PTPRN2: variants seen among roughly 807,000 people sequenced by gnomAD.
PTPRN2 encodes the protein protein tyrosine phosphatase receptor type N2.
A neutral mutation model predicts 118.8 loss-of-function variants in PTPRN2; 74 were observed. That is an observed-to-expected ratio of 0.62 (90% CI 0.52 to 0.76). The LOEUF (loss-of-function observed/expected upper bound fraction) is 0.76, where lower values mean the gene tolerates loss of function less well. Among genes scored for constraint, PTPRN2 ranks in the 30% least tolerant of loss-of-function variants. The pLI is 0.00. For missense variants in PTPRN2, 1,481 were observed against 1,394.4 expected, an observed-to-expected ratio of 1.06 and a Z score of -0.99; for synonymous variants, 641 against 608.0, an observed-to-expected ratio of 1.05 and a Z score of -0.80.
chr7:158,273,535 C>CAG (rs1798678828), intron 3 of PTPRN2, among the ~76,000 whole-genome samples: 6 of 122,186 alleles, frequency 4.9e-5, no homozygotes, highest in East Asian at 2.5e-4. Flanking sequence ...GAGCCGCAGA[C>CAG]ACGGGGAGCC....
intron 2 of PTPRN2, among the ~76,000 whole-genome samples, chr7:158,387,577 A>ACTCTCTG (rs1586542379): frequency 3.4e-3 from 509 of 149,244 alleles, no homozygotes; most frequent in Middle Eastern, 0.01. Flanking sequence ...CTGTCAGCTC[A>ACTCTCTG]GCTTGGCCCG....
intron 11 of PTPRN2, among the ~76,000 whole-genome samples, chr7:157,923,336 G>A (rs1039309713): frequency 6.6e-6 from 1 of 152,168 alleles, no homozygotes; most frequent in African/African-American, 2.4e-5. Flanking sequence ...GTGTGTTCTG[G>A]CAGGGCAAGA....
intron 11 of PTPRN2, among the ~76,000 whole-genome samples, chr7:157,963,248 C>T (rs764646126): frequency 4.6e-5 from 7 of 152,202 alleles, no homozygotes; most frequent in Non-Finnish European, 7.3e-5. Context: ...CCTGTGTGCA[C>T]GCTGTAGAAT....
At chr7:157,564,185 G>A (rs530392525) in intron 21 of PTPRN2, among the ~76,000 whole-genome samples, 2 of 152,306 alleles carry the variant, frequency 1.3e-5, no homozygotes, top group Non-Finnish European at 2.9e-5. Flanking sequence ...AGGCTGGAGC[G>A]CAATGGTGCG....
chr7:158,585,736 A>G (rs1237957662), intron 1 of PTPRN2, among the ~76,000 whole-genome samples: 1 of 152,170 alleles, frequency 6.6e-6, no homozygotes, highest in Non-Finnish European at 1.5e-5. Context: ...TAGCCATTGC[A>G]ATGGCAAGGA....
intron 12 of PTPRN2, among the ~76,000 whole-genome samples, chr7:157,703,618 C>A (rs1342004428): frequency 3.6e-5 from 5 of 139,606 alleles, no homozygotes; most frequent in African/African-American, 1.4e-4. Flanking sequence ...CGTGGGTCTT[C>A]CACAAAAGAA....
chr7:157,639,646 C>T (rs1301845093), intron 14 of PTPRN2, among the ~76,000 whole-genome samples: 4 of 152,352 alleles, frequency 2.6e-5, no homozygotes, highest in Middle Eastern at 3.4e-3. Flanking sequence ...GGGTGGAAGG[C>T]AGGCGACAGG....
At chr7:158,528,789 A>T (rs1824989021) in intron 1 of PTPRN2, among the ~76,000 whole-genome samples, 3 of 149,456 alleles carry the variant, frequency 2.0e-5, no homozygotes, top group Non-Finnish European at 4.4e-5. Context: ...ACAGAGCAAA[A>T]CTCCGTCTCA....
At chr7:158,274,272 C>A (rs1215815898) in intron 3 of PTPRN2, among the ~76,000 whole-genome samples, 1 of 140,432 alleles carries the variant, frequency 7.1e-6, no homozygotes, top group African/African-American at 2.8e-5. Context: ...GAGCCGCAGA[C>A]ACAGGGGGAG....
At chr7:158,106,529 T>C (rs1191667094) in intron 10 of PTPRN2, among the ~76,000 whole-genome samples, 1 of 152,204 alleles carries the variant, frequency 6.6e-6, no homozygotes, top group Non-Finnish European at 1.5e-5. Context: ...CTTTTCTGAC[T>C]CACTGTTTAT....
At chr7:158,308,579 T>G (rs1309960128) in intron 3 of PTPRN2, among the ~76,000 whole-genome samples, 2 of 152,016 alleles carry the variant, frequency 1.3e-5, no homozygotes, top group Non-Finnish European at 2.9e-5. Flanking sequence ...TTCATGACAA[T>G]AACAGCACAA....
intron 12 of PTPRN2, among the ~76,000 whole-genome samples, chr7:157,802,165 C>T (rs533852182): frequency 8.5e-5 from 13 of 152,320 alleles, no homozygotes; most frequent in Admixed American, 3.3e-4. Context: ...GGCTCTCAAC[C>T]GTACGGCAGA....
intron 3 of PTPRN2, among the ~76,000 whole-genome samples, chr7:158,217,397 T>C (rs1005239796): frequency 6.6e-6 from 1 of 151,960 alleles, no homozygotes; most frequent in Non-Finnish European, 1.5e-5. Flanking sequence ...ATCAACTATA[T>C]CCAACTTACA....
intron 4 of PTPRN2, among the ~76,000 whole-genome samples, chr7:158,202,761 T>C (rs1458241808): frequency 6.6e-6 from 1 of 152,230 alleles, no homozygotes. Flanking sequence ...CTGTTTTTAT[T>C]TGTAACCATA....
intron 1 of PTPRN2, chr7:158,539,896 G>C (rs1332560535): frequency 4.5e-6 from 1 of 221,142 alleles, no homozygotes; most frequent in African/African-American, 2.4e-5. Flanking sequence ...TGAGCCTGCA[G>C]CTGGTGACAG....
chr7:157,729,132 T>C lies in PTPRN2; in HGVS notation c.1789-46195A>G, dbSNP rs1251762693. On this transcript the variant is annotated intron_variant, in intron 12 of 22. Coordinates refer to ENST00000389418, the MANE Select transcript of PTPRN2 (RefSeq NM_002847.5). This position sits in a 1 kb window ranked among gnomAD's most constrained non-coding sequence, Gnocchi z 4.3. Reference sequence around the variant, plus strand: ...GCAGAAGTTGATAATTGCTTTGATATACCCATCTCTGTTTTTTTTTTTGGA... The same window carrying C: ...GCAGAAGTTGATAATTGCTTTGATACACCCATCTCTGTTTTTTTTTTTGGA... 6.6e-6 allele frequency among the ~76,000 whole-genome samples: 1 copy of C among 151,564 alleles called. No homozygotes were observed. The highest frequency in any genetic ancestry group is 1.5e-5 in the Non-Finnish European group (1 of 67,906).
intron 2 of PTPRN2, among the ~76,000 whole-genome samples, chr7:158,468,624 C>T (rs1163265214): frequency 1.3e-5 from 2 of 152,208 alleles, no homozygotes; most frequent in Non-Finnish European, 2.9e-5. Flanking sequence ...AGAAATCCAA[C>T]GTGCACAGAG....
At chr7:157,789,906 T>C (rs1327625548) in intron 12 of PTPRN2, among the ~76,000 whole-genome samples, 1 of 149,842 alleles carries the variant, frequency 6.7e-6, no homozygotes, top group Non-Finnish European at 1.5e-5. Flanking sequence ...GTATGTGTGG[T>C]GCTGTGTGTG....
At chr7:158,008,272 A>G (rs556014351) in intron 11 of PTPRN2, among the ~76,000 whole-genome samples, 1 of 152,356 alleles carries the variant, frequency 6.6e-6, no homozygotes, top group African/African-American at 2.4e-5. Context: ...ACACCCACCA[A>G]AATTTCTACT....
Sources: gnomAD v4.1 joint callset for allele counts (sites outside exome capture counted in the v4.1 genomes callset) on GRCh38, gnomAD v4.1.1 for gene constraint, Gnocchi (gnomAD v3.1) non-coding constraint, MANE v1.5 for transcripts, NCBI Gene and HGNC (gene_info 2026-07-23, HGNC 2026-07-21) for gene names.